Variants in ADGRL2 observed in about 807,000 individuals in gnomAD.
ADGRL2 encodes the protein adhesion G protein-coupled receptor L2, also known as calcium-independent alpha-latrotoxin receptor 2.
In ADGRL2, 44 loss-of-function variants were observed where a neutral mutation model predicts 157.4. That is an observed-to-expected ratio of 0.28 (90% CI 0.22 to 0.36). The LOEUF is 0.36. ADGRL2 is among the 10% of genes least tolerant of loss of function. The pLI is 1.00. For synonymous variants in ADGRL2, 585 were observed against 624.7 expected (o/e 0.94, Z 0.95); for missense variants, 1,510 against 1,768.9 (o/e 0.85, Z 2.63).
At chr1:81,965,044 T>G (rs766259526) in intron 11 of ADGRL2, among the ~76,000 whole-genome samples, 3 of 152,172 alleles carry the variant, frequency 2.0e-5, no homozygotes, top group Non-Finnish European at 4.4e-5. Context: ...TGGTTACTAT[T>G]AAGTATATTT....
chr1:81,508,531 T>C (rs930825224), intron 2 of ADGRL2, among the ~76,000 whole-genome samples: 2 of 152,208 alleles, frequency 1.3e-5, no homozygotes, highest in African/African-American at 4.8e-5. Context: ...ATGTGTCTCC[T>C]CTGCTCCCTT....
chr1:81,783,268 T>G (rs984328277), intron 2 of ADGRL2, among the ~76,000 whole-genome samples: 4 of 151,534 alleles, frequency 2.6e-5, no homozygotes, highest in Non-Finnish European at 4.4e-5. Context: ...GGACTACAGG[T>G]GCACACCGCC....
chr1:81,580,375 G>A (rs2080882737), intron 2 of ADGRL2, among the ~76,000 whole-genome samples: 1 of 150,800 alleles, frequency 6.6e-6, no homozygotes, highest in Admixed American at 6.6e-5. Flanking sequence ...CTGTGAAAGG[G>A]CAGATAGTAT....
intron 1 of ADGRL2, among the ~76,000 whole-genome samples, chr1:81,317,195 CAAT>C (rs1017647087): frequency 6.6e-6 from 1 of 152,138 alleles, no homozygotes; most frequent in Non-Finnish European, 1.5e-5. Flanking sequence ...ACCCCCACAA[CAAT>C]GACTAATTCT....
intron 2 of ADGRL2, among the ~76,000 whole-genome samples, chr1:81,539,665 G>GT (rs2079834849): frequency 6.6e-6 from 1 of 152,062 alleles, no homozygotes; most frequent in Non-Finnish European, 1.5e-5. Context: ...CTAAGACTAA[G>GT]AAGGCAGACT....
At position 81,326,447 on chromosome 1, in the gene ADGRL2, T is replaced by C. The variant is rs187078110; in HGVS notation, c.-302+19938T>C. On this transcript the variant is annotated intron_variant, in intron 1 of 24. Coordinates refer to the ADGRL2 transcript ENST00000370721. ...ATAAGTGCTCTGTCTAGTTGATAAATTTCCACACTAAACACAAACGTTGTT... is the reference window on the plus strand; with the variant it reads ...ATAAGTGCTCTGTCTAGTTGATAAACTTCCACACTAAACACAAACGTTGTT... Among the ~76,000 whole-genome samples the C allele has an allele frequency of 1.2e-3, 188 of 152,322 alleles. 2 individuals carry two copies. Among genetic ancestry groups the C allele is most frequent in the Middle Eastern group, 0.01 (3 of 294 alleles).
chr1:81,455,559 T>C (rs928137851), intron 2 of ADGRL2, among the ~76,000 whole-genome samples: 4 of 152,206 alleles, frequency 2.6e-5, no homozygotes, highest in African/African-American at 9.6e-5. Flanking sequence ...AGAGGTGTGT[T>C]ACATATTAGA....
chr1:81,741,488 T>C (rs1037726559), intron 1 of ADGRL2, among the ~76,000 whole-genome samples: 3 of 152,064 alleles, frequency 2.0e-5, no homozygotes, highest in African/African-American at 7.2e-5. Context: ...TTAAATTTCG[T>C]AGAGTATTAC....
intron 2 of ADGRL2, among the ~76,000 whole-genome samples, chr1:81,493,874 G>A (rs555753635): frequency 3.9e-5 from 6 of 152,250 alleles, no homozygotes; most frequent in African/African-American, 1.4e-4. Flanking sequence ...CTTACTTGGG[G>A]AGAGGGCTTA....
intron 2 of ADGRL2, among the ~76,000 whole-genome samples, chr1:81,763,911 C>CA (rs1433703671): frequency 1.3e-5 from 2 of 152,026 alleles, no homozygotes; most frequent in African/African-American, 4.8e-5. Flanking sequence ...GAGGCTGAGG[C>CA]AGGGGGATCG....
chr1:81,404,474 T>C (rs1181717965), intron 1 of ADGRL2, among the ~76,000 whole-genome samples: 1 of 152,174 alleles, frequency 6.6e-6, no homozygotes, highest in African/African-American at 2.4e-5. Context: ...TCACATTTTA[T>C]ATATGAGGAC....
At chr1:81,656,942 C>T (rs889918424) in intron 3 of ADGRL2, among the ~76,000 whole-genome samples, 1 of 144,590 alleles carries the variant, frequency 6.9e-6, no homozygotes, top group African/African-American at 2.6e-5. Context: ...CCTGGGAGGT[C>T]GAGGTTACCA....
At chr1:81,847,118 A>G (rs2092822784) in intron 2 of ADGRL2, among the ~76,000 whole-genome samples, 2 of 151,864 alleles carry the variant, frequency 1.3e-5, no homozygotes, top group African/African-American at 4.8e-5. Context: ...CAGGGAAGTA[A>G]AGAATGTGTA....
chr1:81,442,524 C>T (rs1426954935), intron 1 of ADGRL2, among the ~76,000 whole-genome samples: 1 of 152,160 alleles, frequency 6.6e-6, no homozygotes, highest in Non-Finnish European at 1.5e-5. Context: ...GATTTTATCC[C>T]TATCTGTAAA....
At chr1:81,586,946 T>C (rs934390860) in intron 3 of ADGRL2, among the ~76,000 whole-genome samples, 1 of 152,022 alleles carries the variant, frequency 6.6e-6, no homozygotes, top group Non-Finnish European at 1.5e-5. Context: ...ATTCAAGCAG[T>C]GATGGACTGA....
chr1:81,718,483 AAAG>A (rs2084191115), intron 1 of ADGRL2, among the ~76,000 whole-genome samples: 1 of 152,142 alleles, frequency 6.6e-6, no homozygotes, highest in African/African-American at 2.4e-5. Flanking sequence ...ATCCTCTGTG[AAAG>A]AAGAACAGAT....
intron 2 of ADGRL2, among the ~76,000 whole-genome samples, chr1:81,508,659 T>A (rs2079022374): frequency 6.6e-6 from 1 of 152,184 alleles, no homozygotes; most frequent in Admixed American, 6.5e-5. Context: ...CCTACCTACA[T>A]GAAGCCCTAT....
At chr1:81,477,092 A>G (rs1317240510) in intron 2 of ADGRL2, among the ~76,000 whole-genome samples, 4 of 152,176 alleles carry the variant, frequency 2.6e-5, no homozygotes, top group Admixed American at 1.3e-4. Flanking sequence ...TTGGTTGACC[A>G]TTGCCACTAA....
intron 23 of ADGRL2, chr1:81,990,185 A>T (rs547888752): frequency 1.0e-6 from 1 of 985,154 alleles, no homozygotes; most frequent in African/African-American, 1.7e-5. Context: ...CCTGGAAAAC[A>T]GTATTATTTT....
Sources: allele counts gnomAD v4.1 joint callset (sites outside exome capture counted in the v4.1 genomes callset), GRCh38; gene constraint gnomAD v4.1.1; transcripts MANE v1.5; gene names NCBI Gene and HGNC (gene_info 2026-07-23, HGNC 2026-07-21).